Variants in C16orf96 observed in about 807,000 individuals in gnomAD.
C16orf96 encodes uncharacterized protein C16orf96.
Under a neutral mutation model 103.6 loss-of-function variants are expected in C16orf96, and 108 were observed. The observed-to-expected ratio is 1.04, with a 90% CI of 0.89 to 1.22. The LOEUF (loss-of-function observed/expected upper bound fraction) is 1.22. C16orf96 is among the 50% of genes most tolerant of loss of function. C16orf96 has a pLI of 0.00. For synonymous variants in C16orf96, 566 were observed against 593.5 expected, an observed-to-expected ratio of 0.95 and a Z score of 0.67; for missense variants, 1,586 against 1,464.2, an observed-to-expected ratio of 1.08 and a Z score of -1.36.
intron 9 of C16orf96, among the ~76,000 whole-genome samples, chr16:4,590,217 G>A (rs1897025556): frequency 6.6e-6 from 1 of 152,048 alleles, no homozygotes; most frequent in Admixed American, 6.6e-5. Context: ...GAGCCCAGGG[G>A]TTTGAGACCA....
upstream of C16orf96, among the ~76,000 whole-genome samples, chr16:4,555,880 G>T (rs1395683520): frequency 6.7e-6 from 1 of 150,314 alleles, no homozygotes; most frequent in Non-Finnish European, 1.5e-5. Context: ...ATTTTTTTTT[G>T]TAGAAACAGG....
chr16:4,560,525 A>G (rs1418863745), intron 1 of C16orf96: 2 of 151,992 alleles, frequency 1.3e-5, no homozygotes, highest in East Asian at 3.9e-4. Flanking sequence ...TTATACTTTA[A>G]TATTATGGGT....
the C16orf96 span, among the ~76,000 whole-genome samples, chr16:4,544,589 A>G: frequency 6.6e-6 from 1 of 152,190 alleles, no homozygotes; most frequent in African/African-American, 2.4e-5. Context: ...AGCCTGGGTG[A>G]CAGAGCCTGA....
Position 4,600,494 on chromosome 16 carries a change from C to A in C16orf96, c.*177C>A. On this transcript the variant is annotated 3_prime_UTR_variant, in exon 16 of 16. Coordinates refer to ENST00000444310, the MANE Select transcript of C16orf96 (RefSeq NM_001145011.2). ...TCCGAGGCTGAGGCTCATGCGCCCC[C>A]CCCCATCCCTACCAAGTCCCCTCCA... 4.2e-6 allele frequency: 2 copies of A among 479,526 alleles called. No individual in the cohort carries two copies. Among genetic ancestry groups the A allele is most frequent in the Non-Finnish European group, 7.5e-6 (2 of 265,540 alleles). 29.7% of individuals were successfully genotyped at this position (479,526 alleles called of 1,614,324 possible).
intron 14 of C16orf96, among the ~76,000 whole-genome samples, chr16:4,595,831 C>T (rs780111382): frequency 3.3e-5 from 5 of 152,000 alleles, no homozygotes; most frequent in African/African-American, 7.2e-5. Flanking sequence ...CTCAGCCTCC[C>T]GAGTAGCTGG....
At chr16:4,577,052 G>A (rs540175169) in intron 5 of C16orf96, among the ~76,000 whole-genome samples, 13 of 152,178 alleles carry the variant, frequency 8.5e-5, no homozygotes, top group African/African-American at 2.2e-4. Context: ...TTTGCTGGGC[G>A]TGGTGGTGTA....
the C16orf96 span, among the ~76,000 whole-genome samples, chr16:4,548,183 C>G: frequency 1.3e-5 from 2 of 152,238 alleles, no homozygotes; most frequent in East Asian, 3.9e-4. Context: ...GACGATGTTC[C>G]TCATGTTCCT....
rs569317764 is a variant in C16orf96 at position 4,579,103 on chromosome 16, C to G, written c.2241+78C>G. 1.4e-5 allele frequency: 18 copies of G among 1,291,682 alleles called. No individual in the cohort carries two copies. The African/African-American group carries it at 1.8e-4, about 13-fold the overall frequency. The allele number at this position is 1,291,682 out of a possible 1,614,324, so 80.0% of individuals were successfully genotyped here. ...GGCTGAAGACTCCTTGACTCTGCCC[C>G]CCTCCCAGGTGCAGCTGTGTTCTGC... On this transcript the variant is annotated intron_variant, in intron 6 of 15. Transcript: ENST00000444310.
intron 1 of C16orf96, among the ~76,000 whole-genome samples, chr16:4,558,280 C>T (rs981749569): frequency 6.6e-6 from 1 of 152,158 alleles, no homozygotes; most frequent in East Asian, 1.9e-4. Flanking sequence ...CCGACCAGCA[C>T]GTGGACAGTG....
At chr16:4,582,816 C>T (rs1047813211) in intron 7 of C16orf96, among the ~76,000 whole-genome samples, 3 of 152,174 alleles carry the variant, frequency 2.0e-5, no homozygotes, top group East Asian at 1.9e-4. Context: ...TGTCTGCCTG[C>T]GTGTCCGTAG....
chr16:4,587,080 G>C lies in C16orf96; in HGVS notation c.2394G>C (p.Val798=), dbSNP rs1896944289. ...TCAAAAGACTGGAAATGAACAAGGT[G>C]AATAAGAGCACGATGGAGGAGGAGC... ...AQIKRLEMNK[V]NKSTMEEELR... is the part of the protein sequence containing the mutation. Residue 798 remains valine, a synonymous_variant, in exon 8 of 16, where the codon GTG becomes GTC. Coordinates refer to ENST00000444310, the MANE Select transcript of C16orf96 (RefSeq NM_001145011.2). 1 of 1,551,522 alleles carries C rather than the reference G, an allele frequency of 6.4e-7. No homozygotes were observed. The highest frequency in any genetic ancestry group is 8.7e-7 in the Non-Finnish European group (1 of 1,146,980).
At chr16:4,573,438 CA>C (rs71139644) in intron 2 of C16orf96, among the ~76,000 whole-genome samples, 43,717 of 69,222 alleles carry the variant, frequency 0.63, 13,555 homozygotes, top group East Asian at 0.83. Flanking sequence ...GACTCCGTCT[CA>C]AAAAAAAAAA....
the C16orf96 span, among the ~76,000 whole-genome samples, chr16:4,547,490 G>C: frequency 2.0e-5 from 3 of 151,556 alleles, no homozygotes; most frequent in Non-Finnish European, 2.9e-5. Flanking sequence ...CAAACCCATA[G>C]AGACAGAAAG....
rs115327390 is a variant in C16orf96, at chr16:4,596,850, C to T, written c.3127+2047C>T. On this transcript the variant is annotated intron_variant, in intron 14 of 15. Coordinates refer to ENST00000444310, the MANE Select transcript of C16orf96 (RefSeq NM_001145011.2). ...CCCTCCAAAGGCTTGAGGAGGGTCC[C>T]TCCCTGTCTCTTCAGCTTCTGGGGC... Among the ~76,000 whole-genome samples, 412 of 152,306 alleles carry T rather than the reference C, an allele frequency of 2.7e-3. 3 individuals carry two copies. Among genetic ancestry groups the T allele is most frequent in the African/African-American group, 9.7e-3 (404 of 41,568 alleles).
chr16:4,551,135 G>C, the C16orf96 span, among the ~76,000 whole-genome samples: 105 of 152,294 alleles, frequency 6.9e-4, no homozygotes, highest in African/African-American at 2.2e-3. Context: ...AGCCAGGAGA[G>C]GTGTTGCACA....
rs546314846 is a variant in C16orf96, at chr16:4,581,529, A to C, written c.2352+1404A>C. On this transcript the variant is annotated intron_variant, in intron 7 of 15. Transcript: ENST00000444310. ...GCGCCTGTAGTCCCAGCTACTCAGG[A>C]GGCTGAGGCAGGAGAATGGCATGAA... Among the ~76,000 whole-genome samples, 13 of 152,062 alleles carry C rather than the reference A, an allele frequency of 8.5e-5. No individual in the cohort carries two copies. The South Asian group carries it at 2.7e-3, about 32-fold the overall frequency.
chr16:4,575,336 C>A lies in C16orf96; in HGVS notation c.856C>A (p.Pro286Thr), dbSNP rs931013430. 1.2e-5 allele frequency: 18 copies of A among 1,551,172 alleles called. No individual in the cohort carries two copies. The highest frequency in any genetic ancestry group is 1.5e-5 in the Non-Finnish European group (17 of 1,147,008). ...GCAGACTGTCTGGCATTATGAGGTCCCAGAGCTCCTCCCGGAGGGCTCATC... is the reference window on the plus strand; with the variant it reads ...GCAGACTGTCTGGCATTATGAGGTCACAGAGCTCCTCCCGGAGGGCTCATC... ...LLQTVWHYEVPELLPEGSSAQ... is the reference protein window; with the variant it reads ...LLQTVWHYEVTELLPEGSSAQ... The change falls in exon 5 of 16, where the codon CCA (proline) becomes ACA (threonine). Residue 286 changes from proline (P) to threonine (T), a missense_variant. Coordinates refer to ENST00000444310, the MANE Select transcript of C16orf96 (RefSeq NM_001145011.2).
At position 4,575,806 on chromosome 16, in the gene C16orf96, G is replaced by T; in HGVS notation, c.1326G>T (p.Gln442His). 1 of 1,551,196 alleles carries T rather than the reference G, an allele frequency of 6.4e-7. No individual in the cohort carries two copies. The highest frequency in any genetic ancestry group is 8.7e-7 in the Non-Finnish European group (1 of 1,146,982). The change falls in exon 5 of 16, where the codon CAG (glutamine) becomes CAT (histidine). Residue 442 changes from glutamine (Q) to histidine (H), a missense_variant. By Grantham distance (24) the Gln-to-His change is conservative (BLOSUM62 0). Coordinates refer to ENST00000444310, the MANE Select transcript of C16orf96 (RefSeq NM_001145011.2). ...GGCCTCGACCACTCCAGCCATATCA[G>T]TCTCGCCAGGGAGAAGCCCTCCAGC... ...SLWPRPLQPY[Q>H]SRQGEALQLA...
the C16orf96 span, among the ~76,000 whole-genome samples, chr16:4,540,197 C>T: frequency 1.3e-5 from 2 of 152,154 alleles, no homozygotes. Flanking sequence ...CACAAAATGC[C>T]CAGGACTGTG....
Sources: gnomAD v4.1 joint callset for allele counts (sites outside exome capture counted in the v4.1 genomes callset) on GRCh38, gnomAD v4.1.1 for gene constraint, MANE v1.5 for transcripts, NCBI Gene and HGNC (gene_info 2026-07-23, HGNC 2026-07-21) for gene names.